Variants in USP33 observed in about 807,000 individuals in gnomAD.
USP33 encodes the protein ubiquitin specific peptidase 33.
Under a neutral mutation model 124.2 loss-of-function variants are expected in USP33, and 46 were observed. That is an observed-to-expected ratio of 0.37 (90% CI 0.29 to 0.47). The LOEUF is 0.47. Ranked by LOEUF, USP33 falls within the 20% of genes least tolerant of loss-of-function variation. The pLI is 0.99. For synonymous variants in USP33, 350 were observed against 352.3 expected, an observed-to-expected ratio of 0.99 and a Z score of 0.07; for missense variants, 851 against 1,070.6, an observed-to-expected ratio of 0.79 and a Z score of 2.86.
At chr1:77,730,041 T>C (rs1417437060) in intron 8 of USP33, 103 bp from the exon 9 acceptor site, 1 of 1,105,664 alleles carries the variant, frequency 9.0e-7, no homozygotes, top group South Asian at 1.5e-5. Flanking sequence ...TTGAAAAGTA[T>C]GTTTCAAAAA....
chr1:77,739,375 C>T lies in USP33; in HGVS notation c.241G>A (p.Val81Ile). Residue 81 changes from valine (V) to isoleucine (I), a missense_variant, in exon 5 of 24, where the codon GTA (valine) becomes ATA (isoleucine). Coordinates refer to ENST00000370794, the MANE Select transcript of USP33 (RefSeq NM_201624.3). ...TCTTTGCTGCAAGCATAACACCATA[C>T]TCGAAGAGTGGTAAGGTTCACAGTT... ...YLTVNLTTLR[V>I]WCYACSKEVF... 1 of 1,613,644 alleles carries T rather than the reference C, an allele frequency of 6.2e-7. No homozygotes were observed. The highest frequency in any genetic ancestry group is 1.1e-5 in the South Asian group (1 of 90,944).
rs58750531 is a variant in USP33, at chr1:77,702,141, C to CAAAAAAAAAAAAAAAAAAAAAA, written c.2407-692_2407-671dup. Reference sequence around the variant, plus strand: ...TGGGTGACAGAACAAGACCCTGTCTCAAAAAAAAAAAAAAAAAAAAAAAAA... The same window carrying CAAAAAAAAAAAAAAAAAAAAAA: ...TGGGTGACAGAACAAGACCCTGTCTCAAAAAAAAAAAAAAAAAAAAAAAAAAAAAAAAAAAAAAAAAAAAAAA... On this transcript the variant is annotated intron_variant, in intron 21 of 23. Coordinates refer to ENST00000370794, the MANE Select transcript of USP33 (RefSeq NM_201624.3). Among the ~76,000 whole-genome samples the CAAAAAAAAAAAAAAAAAAAAAA allele has an allele frequency of 1.6e-3, 26 of 15,784 alleles. 3 individuals are homozygous for CAAAAAAAAAAAAAAAAAAAAAA. Among genetic ancestry groups the CAAAAAAAAAAAAAAAAAAAAAA allele is most frequent in the African/African-American group, 3.1e-3 (24 of 7,804 alleles). 10.4% of individuals were successfully genotyped at this position (15,784 alleles called of 152,430 possible).
At chr1:77,727,572 T>C (rs980957908) in intron 10 of USP33, among the ~76,000 whole-genome samples, 2 of 152,240 alleles carry the variant, frequency 1.3e-5, no homozygotes, top group Non-Finnish European at 2.9e-5. Flanking sequence ...AGAAGAAATT[T>C]TGGATTCATT....
chr1:77,733,914 A>G (rs1678128142), intron 7 of USP33, among the ~76,000 whole-genome samples: 3 of 152,156 alleles, frequency 2.0e-5, no homozygotes, highest in Admixed American at 2.0e-4. Context: ...TTCAAGGGTA[A>G]TATCACCTGA....
intron 11 of USP33, among the ~76,000 whole-genome samples, chr1:77,724,853 C>T (rs1447461526): frequency 6.6e-6 from 1 of 151,808 alleles, no homozygotes; most frequent in African/African-American, 2.4e-5. Flanking sequence ...GTCAGGAGTT[C>T]GAGACCAGCA....
At chr1:77,735,617 GC>G (rs1400047977) in intron 6 of USP33, among the ~76,000 whole-genome samples, 1 of 152,098 alleles carries the variant, frequency 6.6e-6, no homozygotes, top group Non-Finnish European at 1.5e-5. Flanking sequence ...AGAACAGTGG[GC>G]CTAAAAGAAT....
At chr1:77,729,231 A>G (rs1405758468) in intron 9 of USP33, among the ~76,000 whole-genome samples, 1 of 152,098 alleles carries the variant, frequency 6.6e-6, no homozygotes, top group East Asian at 1.9e-4. Context: ...AAAACTAAAG[A>G]TGATCTGAAG....
chr1:77,747,918 A>C (rs542148676), intron 1 of USP33, among the ~76,000 whole-genome samples: 9 of 152,272 alleles, frequency 5.9e-5, no homozygotes, highest in African/African-American at 1.9e-4. Flanking sequence ...TTAAATCTGC[A>C]CATATACTGG....
chr1:77,731,859 T>G (rs1173878241), intron 7 of USP33, among the ~76,000 whole-genome samples: 2 of 152,140 alleles, frequency 1.3e-5, no homozygotes, highest in Admixed American at 6.5e-5. Context: ...ATTCCAATAC[T>G]TTGGGAGGCC....
At chr1:77,698,609 T>A (rs1200237030) in intron 22 of USP33, among the ~76,000 whole-genome samples, 1 of 150,844 alleles carries the variant, frequency 6.6e-6, no homozygotes, top group East Asian at 2.0e-4. Flanking sequence ...CATGCCATTC[T>A]CCTGCCTCAG....
intron 22 of USP33, among the ~76,000 whole-genome samples, chr1:77,698,500 G>A: frequency 8.6e-6 from 1 of 116,402 alleles, no homozygotes; most frequent in Non-Finnish European, 1.9e-5. Context: ...GAAATGTTTT[G>A]TTTTTTTTTT....
intron 21 of USP33, 197 bp downstream of exon 21, chr1:77,711,550 C>T: frequency 1.2e-6 from 1 of 816,400 alleles, no homozygotes; most frequent in Non-Finnish European, 1.8e-6. Context: ...CACACACACA[C>T]ACACACACAC....
intron 15 of USP33, chr1:77,718,860 C>T (rs1676222666): frequency 7.6e-6 from 3 of 393,558 alleles, no homozygotes; most frequent in South Asian, 6.4e-5. Context: ...ACCCGGGACA[C>T]GGAGTTTGCA....
rs958753794 is a variant in USP33 at position 77,748,084 on chromosome 1, A to G, written c.-51-6336T>C. Among the ~76,000 whole-genome samples, 5 of 152,334 alleles carry G rather than the reference A, an allele frequency of 3.3e-5. No individual in the cohort carries two copies. The East Asian group carries it at 5.8e-4, about 18-fold the overall frequency. ...CTACACTGTGGCTGTAATGGAAAAC[A>G]TAAGTTTTCCATTTTTATTTTGTTT... On this transcript the variant is annotated intron_variant, in intron 1 of 23. Transcript: ENST00000370794.
chr1:77,708,377 T>G (rs770765667), intron 21 of USP33, among the ~76,000 whole-genome samples: 15 of 152,188 alleles, frequency 9.9e-5, no homozygotes, highest in Non-Finnish European at 2.1e-4. Context: ...AAGTAGGGTT[T>G]TGCCACCACT....
chr1:77,738,676 G>T (rs368807119), intron 5 of USP33, among the ~76,000 whole-genome samples: 1 of 151,844 alleles, frequency 6.6e-6, no homozygotes, highest in South Asian at 2.1e-4. Context: ...GAGACGGGGT[G>T]TCACCATGTT....
chr1:77,699,655 C>G (rs962358768), intron 22 of USP33, among the ~76,000 whole-genome samples: 1 of 152,098 alleles, frequency 6.6e-6, no homozygotes, highest in Admixed American at 6.5e-5. Flanking sequence ...AGACCTAGAA[C>G]CAGAAATACC....
chr1:77,710,866 A>C (rs1479056992), intron 21 of USP33, among the ~76,000 whole-genome samples: 1 of 152,204 alleles, frequency 6.6e-6, no homozygotes, highest in Non-Finnish European at 1.5e-5. Context: ...AGTTGGAGTT[A>C]TGTTACTGAC....
chr1:77,744,721 T>G (rs1194912285), intron 1 of USP33, among the ~76,000 whole-genome samples: 1 of 152,094 alleles, frequency 6.6e-6, no homozygotes, highest in Non-Finnish European at 1.5e-5. Context: ...GGCACGTGCC[T>G]ATAGTCCCAC....
Sources: gnomAD v4.1 joint callset for allele counts (sites outside exome capture counted in the v4.1 genomes callset) on GRCh38, gnomAD v4.1.1 for gene constraint, MANE v1.5 for transcripts, NCBI Gene and HGNC (gene_info 2026-07-23, HGNC 2026-07-21) for gene names.